The following SLC13A1 variants were observed in gnomAD, a reference collection of about 807,000 sequenced individuals.
SLC13A1 encodes Na(+)/sulfate cotransporter.
In SLC13A1, 65 loss-of-function variants were observed where a neutral mutation model predicts 70.0. The ratio of observed to expected loss-of-function variants is 0.93; its 90% confidence interval spans 0.76 to 1.14. SLC13A1 has a LOEUF of 1.14. Among genes scored for constraint, SLC13A1 ranks in the 50% most tolerant of loss-of-function variants. SLC13A1 has a pLI of 0.00. For missense variants in SLC13A1, 726 were observed against 717.8 expected, an observed-to-expected ratio of 1.01 and a Z score of -0.13; for synonymous variants, 275 against 250.5, an observed-to-expected ratio of 1.10 and a Z score of -0.92.
chr7:123,129,540 G>A, intron 8 of SLC13A1, 59 bp from the exon 9 acceptor site: 1 of 1,303,922 alleles, frequency 7.7e-7, no homozygotes, highest in Non-Finnish European at 1.1e-6. Flanking sequence ...CTCCCTGTAA[G>A]GAAGATATTT....
chr7:123,179,791 AACAG>A (rs1317538770), intron 2 of SLC13A1, among the ~76,000 whole-genome samples: 1 of 147,342 alleles, frequency 6.8e-6, no homozygotes, highest in African/African-American at 2.5e-5. Flanking sequence ...ACTAAACCAT[AACAG>A]ACAAAGGTAT....
intron 6 of SLC13A1, among the ~76,000 whole-genome samples, chr7:123,163,301 G>C (rs1041338107): frequency 6.6e-6 from 1 of 151,938 alleles, no homozygotes. Context: ...CTACTTTTAG[G>C]GGGTAATGTG....
intron 1 of SLC13A1, among the ~76,000 whole-genome samples, 187 bp downstream of exon 1, chr7:123,199,661 T>C (rs1392252730): frequency 6.6e-6 from 1 of 152,078 alleles, no homozygotes; most frequent in Non-Finnish European, 1.5e-5. Flanking sequence ...ATACTAAGAA[T>C]CAACCAATGT....
intron 2 of SLC13A1, among the ~76,000 whole-genome samples, chr7:123,180,255 A>T (rs1055653421): frequency 2.0e-5 from 3 of 152,146 alleles, no homozygotes; most frequent in Admixed American, 2.0e-4. Context: ...AGAAAATGAC[A>T]GACAGGTAAG....
At chr7:123,164,439 T>A (rs1322887381) in intron 6 of SLC13A1, among the ~76,000 whole-genome samples, 2 of 151,922 alleles carry the variant, frequency 1.3e-5, no homozygotes, top group African/African-American at 2.4e-5. Context: ...TTTAATTAAA[T>A]TTTTAAAATC....
chr7:123,190,365 G>A (rs1795954010), intron 1 of SLC13A1: 2 of 335,188 alleles, frequency 6.0e-6, no homozygotes, highest in Non-Finnish European at 5.9e-6. Flanking sequence ...AGGAGACAAG[G>A]CTACCTCAGA....
chr7:123,174,778 A>G (rs544725308), intron 2 of SLC13A1, among the ~76,000 whole-genome samples: 2 of 152,068 alleles, frequency 1.3e-5, no homozygotes, highest in African/African-American at 4.8e-5. Flanking sequence ...CACTTCTCCA[A>G]TTTAGTTTTT....
intron 2 of SLC13A1, among the ~76,000 whole-genome samples, chr7:123,175,899 C>T (rs1795431607): frequency 6.6e-6 from 1 of 152,152 alleles, no homozygotes; most frequent in African/African-American, 2.4e-5. Context: ...CTTGCTGTTA[C>T]TGATTTGGGT....
intron 1 of SLC13A1, among the ~76,000 whole-genome samples, chr7:123,191,726 C>T (rs961816195): frequency 6.6e-6 from 1 of 152,098 alleles, no homozygotes; most frequent in Non-Finnish European, 1.5e-5. Flanking sequence ...TTAACCCTCG[C>T]CAAGATTCTT....
Position 123,115,319 on chromosome 7 carries a change from T to C in SLC13A1, c.*199A>G, listed in dbSNP as rs1793142903. The C allele has an allele frequency of 7.0e-6, 3 of 430,464 alleles. No homozygotes were observed. Among genetic ancestry groups the C allele is most frequent in the African/African-American group, 2.0e-5 (1 of 49,754 alleles). 26.7% of individuals were successfully genotyped at this position (430,464 alleles called of 1,614,324 possible). On this transcript the variant is annotated 3_prime_UTR_variant, in exon 15 of 15. Transcript: ENST00000194130. ...ACATGGGCTTCTTGATGAAGGCACA[T>C]AGATGCTCTTTAGTTGCACTGCAAT...
At chr7:123,144,803 C>G (rs1054898949) in intron 7 of SLC13A1, among the ~76,000 whole-genome samples, 1 of 152,112 alleles carries the variant, frequency 6.6e-6, no homozygotes, top group African/African-American at 2.4e-5. Context: ...TTATATGCAA[C>G]TTATGCCCCA....
chr7:123,120,184 C>T (rs759467622), intron 12 of SLC13A1, among the ~76,000 whole-genome samples: 6 of 151,924 alleles, frequency 3.9e-5, no homozygotes, highest in East Asian at 1.9e-4. Context: ...AATATTATGA[C>T]GTTCCTTCTC....
At chr7:123,144,577 A>G (rs953043917) in intron 7 of SLC13A1, among the ~76,000 whole-genome samples, 1 of 152,160 alleles carries the variant, frequency 6.6e-6, no homozygotes, top group Admixed American at 6.5e-5. Context: ...TTAAACCATT[A>G]CATCCTCAAT....
At chr7:123,188,078 T>C (rs967468774) in intron 1 of SLC13A1, among the ~76,000 whole-genome samples, 1 of 152,184 alleles carries the variant, frequency 6.6e-6, no homozygotes, top group Non-Finnish European at 1.5e-5. Flanking sequence ...GCTACCCAGG[T>C]GTCAAGGGAG....
intron 14 of SLC13A1, 108 bp from the exon 15 acceptor site, chr7:123,115,763 T>A (rs1215237504): frequency 9.0e-7 from 1 of 1,106,266 alleles, no homozygotes; most frequent in Non-Finnish European, 1.3e-6. Flanking sequence ...CCTAAATGAT[T>A]AGTATAAATT....
At chr7:123,116,046 A>T (rs1793170235) in intron 14 of SLC13A1, among the ~76,000 whole-genome samples, 1 of 152,232 alleles carries the variant, frequency 6.6e-6, no homozygotes, top group African/African-American at 2.4e-5. Context: ...TTCATGTTAA[A>T]GCAGAATTTC....
At chr7:123,164,028 T>C (rs1167440701) in intron 6 of SLC13A1, among the ~76,000 whole-genome samples, 2 of 151,854 alleles carry the variant, frequency 1.3e-5, no homozygotes, top group Non-Finnish European at 2.9e-5. Context: ...AAGAAGACAA[T>C]GAACAAAATA....
At position 123,148,639 on chromosome 7, in the gene SLC13A1, A is replaced by C; in HGVS notation, c.661-1329T>G. 2 of 329,174 alleles carry C rather than the reference A, an allele frequency of 6.1e-6. 1 individual carries two copies. Among genetic ancestry groups the C allele is most frequent in the South Asian group, 4.7e-5 (2 of 42,118 alleles). The allele number at this position is 329,174 out of a possible 1,614,324, so 20.4% of individuals were successfully genotyped here. A position where few individuals can be genotyped will look rare whatever the true frequency, so the allele number is the denominator to read the frequency against. The stretch of plus-strand genomic sequence containing the variant: ...CATTTCATTTAATGAATGGTTTTTC[A>C]GTTATGTTTAGTCAGGAGAATAGCT... On this transcript the variant is annotated intron_variant, in intron 6 of 14. Transcript: ENST00000194130.
chr7:123,147,617 T>G (rs1563331303), intron 6 of SLC13A1, among the ~76,000 whole-genome samples: 1 of 151,906 alleles, frequency 6.6e-6, no homozygotes, highest in African/African-American at 2.4e-5. Context: ...GAGAGAGCCC[T>G]CACCAGACAC....
Sources: allele counts gnomAD v4.1 joint callset (sites outside exome capture counted in the v4.1 genomes callset), GRCh38; gene constraint gnomAD v4.1.1; transcripts MANE v1.5; gene names NCBI Gene and HGNC (gene_info 2026-07-23, HGNC 2026-07-21).